Variants in CRYZL1 observed in about 807,000 individuals in gnomAD.
The protein encoded by CRYZL1 is crystallin zeta like 1.
A neutral mutation model predicts 50.6 loss-of-function variants in CRYZL1; 34 were observed. That is an observed-to-expected ratio of 0.67 (90% CI 0.51 to 0.89). The LOEUF (loss-of-function observed/expected upper bound fraction) is 0.89. CRYZL1 is among the 40% of genes least tolerant of loss of function. CRYZL1 has a pLI of 0.00. For missense variants in CRYZL1, 354 were observed against 402.3 expected, an observed-to-expected ratio of 0.88 and a Z score of 1.03; for synonymous variants, 125 against 134.3, an observed-to-expected ratio of 0.93 and a Z score of 0.48.
intron 10 of CRYZL1, 130 bp downstream of exon 10, chr21:33,597,150 G>A: frequency 1.1e-6 from 1 of 880,648 alleles, no homozygotes; most frequent in South Asian, 1.6e-5. Flanking sequence ...ACTCATAGGT[G>A]TGAGCCACCA....
intron 2 of CRYZL1, among the ~76,000 whole-genome samples, chr21:33,626,650 T>C (rs2087067663): frequency 6.6e-6 from 1 of 151,662 alleles, no homozygotes; most frequent in East Asian, 1.9e-4. Context: ...CGAGCTGATA[T>C]TGTGCCACTG....
chr21:33,606,910 C>G (rs1019591690), intron 6 of CRYZL1, among the ~76,000 whole-genome samples: 7 of 152,118 alleles, frequency 4.6e-5, no homozygotes, highest in African/African-American at 1.4e-4. Context: ...ACTTGGGAGG[C>G]TGAGGCAGGA....
chr21:33,597,887 T>A (rs1019414979), intron 9 of CRYZL1, among the ~76,000 whole-genome samples: 1 of 152,192 alleles, frequency 6.6e-6, no homozygotes, highest in Non-Finnish European at 1.5e-5. Flanking sequence ...GTGCTGGGAT[T>A]ACAGGCATGA....
intron 1 of CRYZL1, among the ~76,000 whole-genome samples, chr21:33,634,646 T>C (rs1036144256): frequency 2.6e-5 from 4 of 152,026 alleles, no homozygotes; most frequent in Non-Finnish European, 4.4e-5. Context: ...CTGGAGTTAC[T>C]AGAATTGCCT....
rs767644164 is a variant in CRYZL1, at chr21:33,616,869, G to GA, written c.218-120dup. 5.5e-6 allele frequency: 5 copies of GA among 908,854 alleles called. No individual in the cohort carries two copies. The South Asian group carries it at 9.0e-5, about 16-fold the overall frequency. 56.3% of individuals were successfully genotyped at this position (908,854 alleles called of 1,614,324 possible). ...AAAAAGACTGATTTTGTTTAATGTGGAAAAAAGGACCAAAATGTCAATAAC... is the reference window on the plus strand; with the variant it reads ...AAAAAGACTGATTTTGTTTAATGTGGAAAAAAAGGACCAAAATGTCAATAAC... On this transcript the variant is annotated intron_variant, in intron 4 of 12. Transcript: ENST00000381554.
chr21:33,603,431 T>C lies in CRYZL1; in HGVS notation c.438A>G (p.Lys146=). The change falls in exon 7 of 13, where the codon AAA becomes AAG. Residue 146 remains lysine (K), a synonymous_variant. Transcript: ENST00000381554. ...TTGCTCCATCCATTATCAGCACTGA[T>C]TTTCCAGGAGAGAGATGAGAAAGAT... is the stretch of plus-strand genomic sequence containing the variant. ...LHYLSHLSPG[K]SVLIMDGASA... The C allele has an allele frequency of 6.2e-7, 1 of 1,614,126 alleles. No individual in the cohort carries two copies. Among genetic ancestry groups the C allele is most frequent in the South Asian group, 1.1e-5 (1 of 91,080 alleles).
At chr21:33,639,780 C>CT (rs375493530) in intron 1 of CRYZL1, 2,522 of 141,704 alleles carry the variant, frequency 0.018, 38 homozygotes, top group African/African-American at 0.021. Flanking sequence ...AAATGGAAGA[C>CT]TTTTTTTTTT....
In CRYZL1 at chr21:33,613,573, A is replaced by T; in HGVS notation, c.296T>A (p.Leu99His). ...ILPLDSEDPG[L>H]CEVVRVHEHY... ...CTCATGTACTCTAACAACTTCACAA[A>T]GTCCAGGGTCTTCAGAGTCCAGGGG... is the stretch of plus-strand genomic sequence containing the variant. Residue 99 changes from leucine (L) to histidine (H), a missense_variant, in exon 6 of 13, where the codon CTT (leucine) becomes CAT (histidine). Leu to His is a moderately conservative substitution (Grantham distance 99, BLOSUM62 -3). Coordinates refer to ENST00000381554, the MANE Select transcript of CRYZL1 (RefSeq NM_145858.3). 7 of 1,613,630 alleles carry T rather than the reference A, an allele frequency of 4.3e-6. No homozygotes were observed. The highest frequency in any genetic ancestry group is 5.1e-6 in the Non-Finnish European group (6 of 1,179,552).
chr21:33,629,015 A>G (rs1257091816), intron 2 of CRYZL1, among the ~76,000 whole-genome samples: 6 of 150,940 alleles, frequency 4.0e-5, no homozygotes, highest in Non-Finnish European at 8.8e-5. Flanking sequence ...GGATAGCTTG[A>G]GCCCAGGAAT....
intron 6 of CRYZL1, among the ~76,000 whole-genome samples, chr21:33,604,089 C>T (rs770709465): frequency 4.0e-5 from 6 of 151,736 alleles, no homozygotes; most frequent in Non-Finnish European, 8.8e-5. Flanking sequence ...CGTCTCTGGC[C>T]GGGCGTGGTG....
chr21:33,634,261 G>C (rs1269496278), intron 1 of CRYZL1, among the ~76,000 whole-genome samples: 1 of 151,962 alleles, frequency 6.6e-6, no homozygotes, highest in East Asian at 1.9e-4. Flanking sequence ...TCCTTTGAAG[G>C]CTCTCTAAAA....
At chr21:33,634,448 T>G (rs1041991839) in intron 1 of CRYZL1, among the ~76,000 whole-genome samples, 1 of 152,184 alleles carries the variant, frequency 6.6e-6, no homozygotes, top group African/African-American at 2.4e-5. Flanking sequence ...AAAGTTCAAG[T>G]TCTACCCCCT....
intron 1 of CRYZL1, among the ~76,000 whole-genome samples, chr21:33,638,583 G>T (rs558190368): frequency 1.3e-4 from 20 of 152,348 alleles, no homozygotes; most frequent in Non-Finnish European, 2.6e-4. Context: ...ATAGTCAACA[G>T]TCTCTAGAAA....
At chr21:33,623,152 G>C (rs1424419941) in intron 3 of CRYZL1, among the ~76,000 whole-genome samples, 1 of 151,940 alleles carries the variant, frequency 6.6e-6, no homozygotes, top group Admixed American at 6.6e-5. Flanking sequence ...TTTTAGTAGA[G>C]ATAGGGTTTC....
At chr21:33,597,988 T>C (rs547146473) in intron 9 of CRYZL1, among the ~76,000 whole-genome samples, 5 of 152,312 alleles carry the variant, frequency 3.3e-5, no homozygotes, top group Non-Finnish European at 7.4e-5. Flanking sequence ...TCTGATACCT[T>C]AAAATCTACT....
chr21:33,595,499 A>G (rs1286911846), intron 11 of CRYZL1: 3 of 1,295,128 alleles, frequency 2.3e-6, no homozygotes, highest in African/African-American at 2.9e-5. Flanking sequence ...TTGAGTCTGT[A>G]TCAACATCTC....
chr21:33,626,852 T>C (rs554371255), intron 2 of CRYZL1, among the ~76,000 whole-genome samples: 1 of 152,148 alleles, frequency 6.6e-6, no homozygotes, highest in East Asian at 1.9e-4. Flanking sequence ...CTCTACCCAA[T>C]ATGCCCACAA....
At chr21:33,614,171 CAAAA>C (rs1174565593) in intron 5 of CRYZL1, among the ~76,000 whole-genome samples, 3 of 98,192 alleles carry the variant, frequency 3.1e-5, no homozygotes, top group African/African-American at 3.8e-5. Context: ...GACTCTGTGT[CAAAA>C]AAAAAAAAAA....
chr21:33,590,940 G>A (rs765840327), intron 12 of CRYZL1, among the ~76,000 whole-genome samples: 30 of 152,176 alleles, frequency 2.0e-4, no homozygotes, highest in Non-Finnish European at 3.8e-4. Flanking sequence ...AAATATTAAA[G>A]AGCAGCTATT....
Sources: allele counts gnomAD v4.1 joint callset (sites outside exome capture counted in the v4.1 genomes callset), GRCh38; gene constraint gnomAD v4.1.1; transcripts MANE v1.5; gene names NCBI Gene and HGNC (gene_info 2026-07-23, HGNC 2026-07-21).